The following AKAP3 variants were observed in gnomAD, a reference collection of about 807,000 sequenced individuals.
The protein encoded by AKAP3 is A-kinase anchor protein 3.
In AKAP3, 27 loss-of-function variants were observed where a neutral mutation model predicts 57.2. The ratio of observed to expected loss-of-function variants is 0.47; its 90% CI spans 0.35 to 0.65. The LOEUF is 0.65. Ranked by LOEUF, AKAP3 falls within the 30% of genes least tolerant of loss-of-function variation. The pLI is 0.01. For synonymous variants in AKAP3, 334 were observed against 392.3 expected, an observed-to-expected ratio of 0.85 and a Z score of 1.76; for missense variants, 959 against 1,040.0, an observed-to-expected ratio of 0.92 and a Z score of 1.07.
Position 4,642,390 on chromosome 12 carries a change from C to G in AKAP3, c.-106-386G>C, listed in dbSNP as rs563446828. Among the ~76,000 whole-genome samples, 5 of 152,312 alleles carry G rather than the reference C, an allele frequency of 3.3e-5. No individual in the cohort carries two copies. In the South Asian group the frequency reaches 1.0e-3, roughly 32 times the overall value. ...CCCTGAATTTATGGAACTCAAAACA[C>G]TTTGCAAGCATCTTTGAGGACTTGA... On this transcript the variant is annotated intron_variant, in intron 2 of 5. Transcript: ENST00000228850.
At chr12:4,623,808 A>C (rs1425529270) in intron 5 of AKAP3, among the ~76,000 whole-genome samples, 2 of 152,222 alleles carry the variant, frequency 1.3e-5, no homozygotes, top group African/African-American at 4.8e-5. Context: ...AGAAGAGGAA[A>C]TTCAAATGGT....
intron 4 of AKAP3, chr12:4,635,362 T>G (rs879485752): frequency 1.7e-6 from 1 of 601,282 alleles, no homozygotes; most frequent in South Asian, 1.8e-5. Flanking sequence ...CAACACTGAC[T>G]CCTGTTTGGT....
At position 4,641,456 on chromosome 12, in the gene AKAP3, C is replaced by T. The variant is rs139046212; in HGVS notation, c.-1+443G>A. ...CTCGAACTCCTGACCTCAAGTGATC[C>T]GCCAGCCTTGGCCTGCAGGTGTGGG... On this transcript the variant is annotated intron_variant, in intron 3 of 5. Coordinates refer to ENST00000228850, the MANE Select transcript of AKAP3 (RefSeq NM_001278309.2). Among the ~76,000 whole-genome samples, 1,005 of 152,274 alleles carry T rather than the reference C, an allele frequency of 6.6e-3. 19 individuals carry two copies. Among genetic ancestry groups the T allele is most frequent in the African/African-American group, 0.022 (929 of 41,548 alleles).
At chr12:4,631,983 A>G (rs544719850) in intron 4 of AKAP3, among the ~76,000 whole-genome samples, 29 of 152,348 alleles carry the variant, frequency 1.9e-4, no homozygotes, top group Admixed American at 1.6e-3. Context: ...TTTGCATTTA[A>G]CCAAGTTGAA....
intron 4 of AKAP3, among the ~76,000 whole-genome samples, chr12:4,632,726 T>C (rs10444480): frequency 0.094 from 14,301 of 152,226 alleles, 800 homozygotes; most frequent in South Asian, 0.15. Context: ...CTGCAAGCTC[T>C]GCCTCCCGAG....
Position 4,636,056 on chromosome 12 carries a change from T to C in AKAP3, c.96+2045A>G, listed in dbSNP as rs1413990915. The C allele has an allele frequency of 3.3e-6, 5 of 1,495,644 alleles. No homozygotes were observed. In the African/African-American group the frequency reaches 7.1e-5, roughly 21 times the overall value. 92.6% of individuals were successfully genotyped at this position (1,495,644 alleles called of 1,614,324 possible). A position where few individuals can be genotyped will look rare whatever the true frequency, so the allele number is the denominator to read the frequency against. On this transcript the variant is annotated intron_variant, in intron 4 of 5. Coordinates refer to ENST00000228850, the MANE Select transcript of AKAP3 (RefSeq NM_001278309.2). ...CCTTTCACAAAACGAAGCACTAGGC[T>C]TGATTTGCCAACAGCAGACTCTCCC...
At chr12:4,624,797 A>C (rs1447495328) in intron 5 of AKAP3, among the ~76,000 whole-genome samples, 1 of 12,956 alleles carries the variant, frequency 7.7e-5, no homozygotes, top group Non-Finnish European at 3.0e-4. Context: ...CTTTATCTTT[A>C]GAGTAGACAA....
intron 2 of AKAP3, among the ~76,000 whole-genome samples, chr12:4,642,927 C>T (rs111774401): frequency 0.022 from 3,285 of 152,264 alleles, 100 homozygotes; most frequent in African/African-American, 0.071. Flanking sequence ...AAAAAACAGA[C>T]GGCTTGCTCA....
At chr12:4,629,273 C>T (rs148547475) in intron 4 of AKAP3, among the ~76,000 whole-genome samples, 16 of 152,264 alleles carry the variant, frequency 1.1e-4, no homozygotes, top group Admixed American at 7.9e-4. Flanking sequence ...CTGTAAAGGA[C>T]GTGATATCAT....
chr12:4,645,003 C>A (rs1945682118), intron 2 of AKAP3, 52 bp downstream of exon 2: 1 of 152,230 alleles, frequency 6.6e-6, no homozygotes, highest in Admixed American at 6.5e-5. Flanking sequence ...TCCCTTCCAA[C>A]CACAGAGGAT....
intron 1 of AKAP3, among the ~76,000 whole-genome samples, chr12:4,646,157 G>GA (rs1275273929): frequency 6.6e-6 from 1 of 152,032 alleles, no homozygotes; most frequent in Non-Finnish European, 1.5e-5. Context: ...ACTGTAGTGG[G>GA]AAAAATCACA....
chr12:4,621,180 G>A (rs1383964644), intron 5 of AKAP3, among the ~76,000 whole-genome samples: 1 of 150,886 alleles, frequency 6.6e-6, no homozygotes, highest in Non-Finnish European at 1.5e-5. Context: ...TTGTATAACT[G>A]TACAACGTGT....
chr12:4,618,325 A>G (rs1945309695), intron 5 of AKAP3, among the ~76,000 whole-genome samples: 1 of 152,266 alleles, frequency 6.6e-6, no homozygotes, highest in Non-Finnish European at 1.5e-5. Flanking sequence ...TTTATGGTCA[A>G]TAGGATTTTT....
At chr12:4,624,128 A>G (rs1325759110) in intron 5 of AKAP3, among the ~76,000 whole-genome samples, 1 of 152,202 alleles carries the variant, frequency 6.6e-6, no homozygotes, top group Non-Finnish European at 1.5e-5. Context: ...CTTACAGTGC[A>G]GAATAGTGGC....
intron 1 of AKAP3, chr12:4,645,744 G>A (rs1945690873): frequency 6.6e-6 from 1 of 152,148 alleles, no homozygotes; most frequent in Admixed American, 6.5e-5. Flanking sequence ...GTGTGGCCAG[G>A]TTCTAAAAGA....
intron 5 of AKAP3, among the ~76,000 whole-genome samples, chr12:4,623,036 T>C (rs1216603829): frequency 6.6e-6 from 1 of 152,166 alleles, no homozygotes; most frequent in Non-Finnish European, 1.5e-5. Context: ...TTAATATCAC[T>C]GGTCACTAGA....
intron 5 of AKAP3, among the ~76,000 whole-genome samples, chr12:4,618,073 A>G (rs1945306783): frequency 6.6e-6 from 1 of 152,244 alleles, no homozygotes; most frequent in Admixed American, 6.5e-5. Flanking sequence ...GAAGGCAGCA[A>G]AGGGAAAACA....
intron 2 of AKAP3, among the ~76,000 whole-genome samples, chr12:4,642,368 T>G (rs1695707088): frequency 6.6e-6 from 1 of 152,214 alleles, no homozygotes; most frequent in Admixed American, 6.5e-5. Flanking sequence ...ATAAGCACCC[T>G]GAATTTATGG....
At chr12:4,620,056 G>C (rs1305855449) in intron 5 of AKAP3, among the ~76,000 whole-genome samples, 1 of 152,178 alleles carries the variant, frequency 6.6e-6, no homozygotes, top group Non-Finnish European at 1.5e-5. Flanking sequence ...TTCTGAGGCA[G>C]AGAAATAAAG....
Sources: gnomAD v4.1 joint callset for allele counts (sites outside exome capture counted in the v4.1 genomes callset) on GRCh38, gnomAD v4.1.1 for gene constraint, MANE v1.5 for transcripts, NCBI Gene and HGNC (gene_info 2026-07-23, HGNC 2026-07-21) for gene names.